Variants in PHLPP1 observed in about 807,000 individuals in gnomAD.
PHLPP1 encodes PH domain and leucine rich repeat protein phosphatase 1.
PHLPP1 carries 42 observed loss-of-function variants against 117.2 expected under a neutral mutation model. The observed-to-expected ratio is 0.36, with a 90% CI of 0.28 to 0.46. The LOEUF is 0.46. Among genes scored for constraint, PHLPP1 ranks in the 20% least tolerant of loss-of-function variants. The pLI is 1.00. For synonymous variants in PHLPP1, 1,042 were observed against 970.7 expected (o/e 1.07, Z -1.37); for missense variants, 2,084 against 2,241.9 (o/e 0.93, Z 1.42).
chr18:62,967,560 A>G (rs1910937799), intron 14 of PHLPP1, among the ~76,000 whole-genome samples: 1 of 151,952 alleles, frequency 6.6e-6, no homozygotes, highest in Non-Finnish European at 1.5e-5. Flanking sequence ...ATGTGATGTT[A>G]GCTCTCGGTA....
In PHLPP1 at chr18:62,899,540, A is replaced by G. The variant is rs547211789; in HGVS notation, c.2445-3424A>G. ...TTTAAAAAACCATTCTCTACATTTT[A>G]TACATCATTCGTGGCACTTACCACA... is the stretch of plus-strand genomic sequence containing the variant. On this transcript the variant is annotated intron_variant, in intron 6 of 16. Coordinates refer to ENST00000262719, the MANE Select transcript of PHLPP1 (RefSeq NM_194449.4). 5.3e-5 allele frequency among the ~76,000 whole-genome samples: 8 copies of G among 152,318 alleles called. No individual in the cohort carries two copies. In the South Asian group the frequency reaches 1.7e-3, roughly 32 times the overall value.
At chr18:62,939,004 T>TC (rs1910053417) in intron 10 of PHLPP1, among the ~76,000 whole-genome samples, 1 of 150,832 alleles carries the variant, frequency 6.6e-6, no homozygotes, top group African/African-American at 2.4e-5. Context: ...CTTTTTTTTT[T>TC]TTTGAGCCGG....
At chr18:62,930,026 G>A (rs747044915) in intron 10 of PHLPP1, among the ~76,000 whole-genome samples, 79 of 152,124 alleles carry the variant, frequency 5.2e-4, no homozygotes, top group Non-Finnish European at 1.0e-3. Flanking sequence ...GGAGCTTATC[G>A]ATTGCCATCT....
At chr18:62,929,327 G>A (rs1282185409) in intron 10 of PHLPP1, among the ~76,000 whole-genome samples, 1 of 151,940 alleles carries the variant, frequency 6.6e-6, no homozygotes, top group Non-Finnish European at 1.5e-5. Flanking sequence ...ATAATCCAGT[G>A]GCTTTTAGTA....
chr18:62,938,994 C>CTTTTTTTTTTTT (rs1555683300), intron 10 of PHLPP1, among the ~76,000 whole-genome samples: 1 of 128,680 alleles, frequency 7.8e-6, no homozygotes, highest in Non-Finnish European at 1.6e-5. Context: ...TTCTTTCTTT[C>CTTTTTTTTTTTT]TTTTTTTTTT....
chr18:62,721,592 G>A (rs1910921652), intron 1 of PHLPP1, among the ~76,000 whole-genome samples: 1 of 151,998 alleles, frequency 6.6e-6, no homozygotes, highest in South Asian at 2.1e-4. Context: ...TGATGTTATT[G>A]TGCTCTTGTA....
chr18:62,913,591 C>A (rs962997046), intron 8 of PHLPP1, among the ~76,000 whole-genome samples: 1 of 152,080 alleles, frequency 6.6e-6, no homozygotes, highest in African/African-American at 2.4e-5. Context: ...GTTTGAAATT[C>A]TTTGTGCCTG....
At chr18:62,797,066 T>A (rs898918190) in intron 1 of PHLPP1, among the ~76,000 whole-genome samples, 2 of 152,212 alleles carry the variant, frequency 1.3e-5, no homozygotes, top group Non-Finnish European at 2.9e-5. Flanking sequence ...TCAACATTGA[T>A]CTTATTTCAT....
At chr18:62,864,411 A>G (rs1330219945) in intron 4 of PHLPP1, among the ~76,000 whole-genome samples, 1 of 151,974 alleles carries the variant, frequency 6.6e-6, no homozygotes, top group African/African-American at 2.4e-5. Context: ...CTGAATAGGG[A>G]CAATGATATT....
At chr18:62,948,647 A>T (rs1910366111) in intron 12 of PHLPP1, among the ~76,000 whole-genome samples, 1 of 150,780 alleles carries the variant, frequency 6.6e-6, no homozygotes, top group Admixed American at 6.6e-5. Context: ...CTCCATTACC[A>T]GTAGATAGAA....
At chr18:62,957,415 T>C (rs1290678419) in intron 12 of PHLPP1, among the ~76,000 whole-genome samples, 1 of 152,190 alleles carries the variant, frequency 6.6e-6, no homozygotes. Flanking sequence ...AGTCCAGATG[T>C]TGATGCCTTG....
At chr18:62,827,996 A>T (rs572307568) in intron 1 of PHLPP1, among the ~76,000 whole-genome samples, 3 of 145,116 alleles carry the variant, frequency 2.1e-5, no homozygotes, top group Non-Finnish European at 4.5e-5. Flanking sequence ...TAAAATGCCT[A>T]CTTCTTTGCA....
chr18:62,830,301 C>A, intron 2 of PHLPP1, 70 bp downstream of exon 2: 1 of 1,346,784 alleles, frequency 7.4e-7, no homozygotes, highest in Non-Finnish European at 1.0e-6. Context: ...AGTGTAGTGG[C>A]GTGGTCTCAA....
chr18:62,884,739 A>G (rs1455431018), intron 4 of PHLPP1, among the ~76,000 whole-genome samples: 3 of 152,226 alleles, frequency 2.0e-5, no homozygotes, highest in African/African-American at 4.8e-5. Context: ...TAATTGACCC[A>G]TTTGTGGTGA....
At chr18:62,943,185 T>TTAACACA (rs1326780613) in intron 11 of PHLPP1, among the ~76,000 whole-genome samples, 12 of 152,146 alleles carry the variant, frequency 7.9e-5, no homozygotes, top group African/African-American at 2.7e-4. Context: ...AGAGAAACTT[T>TTAACACA]TAACACACCT....
At chr18:62,880,779 T>C (rs962193149) in intron 4 of PHLPP1, among the ~76,000 whole-genome samples, 3 of 152,224 alleles carry the variant, frequency 2.0e-5, no homozygotes, top group African/African-American at 4.8e-5. Flanking sequence ...TTATGCAGCT[T>C]ATGACTCATT....
chr18:62,873,909 A>G (rs1345707249), intron 4 of PHLPP1, among the ~76,000 whole-genome samples: 2 of 152,106 alleles, frequency 1.3e-5, no homozygotes, highest in Non-Finnish European at 2.9e-5. Flanking sequence ...AAAGGGCCGG[A>G]TGCGGTGGCT....
intron 4 of PHLPP1, among the ~76,000 whole-genome samples, chr18:62,862,410 C>G (rs1308521906): frequency 6.6e-6 from 1 of 152,056 alleles, no homozygotes; most frequent in African/African-American, 2.4e-5. Context: ...TCAGTAAAGT[C>G]TTTTAAGTAT....
rs182224492 is a variant in PHLPP1 at position 62,856,569 on chromosome 18, A to G, written c.1900-3866A>G. ...CAGCCTCCCGAGTAGCTGGAACTATAGGCACGCACCACCACGCCCAGCTAA... is the reference window on the plus strand; with the variant it reads ...CAGCCTCCCGAGTAGCTGGAACTATGGGCACGCACCACCACGCCCAGCTAA... On this transcript the variant is annotated intron_variant, in intron 3 of 16. Coordinates refer to ENST00000262719, the MANE Select transcript of PHLPP1 (RefSeq NM_194449.4). 1.8e-3 allele frequency among the ~76,000 whole-genome samples: 269 copies of G among 152,204 alleles called. 2 individuals carry two copies. The highest frequency in any genetic ancestry group is 4.0e-3 in the Admixed American group (61 of 15,278).
Sources: allele counts gnomAD v4.1 joint callset (sites outside exome capture counted in the v4.1 genomes callset), GRCh38; gene constraint gnomAD v4.1.1; transcripts MANE v1.5; gene names NCBI Gene and HGNC (gene_info 2026-07-23, HGNC 2026-07-21).